ARMH3: variants seen among roughly 807,000 people sequenced by gnomAD.
ARMH3 encodes the protein armadillo like helical domain containing 3, also known as armadillo-like helical domain-containing protein 3.
ARMH3 carries 60 observed loss-of-function variants against 99.1 expected under a neutral mutation model. The ratio of observed to expected loss-of-function variants is 0.61; its 90% CI spans 0.49 to 0.75. The LOEUF is 0.75. Among genes scored for constraint, ARMH3 ranks in the 30% least tolerant of loss-of-function variants. The pLI is 0.00. For synonymous variants in ARMH3, 285 were observed against 292.8 expected (o/e 0.97, Z 0.27); for missense variants, 679 against 843.1 (o/e 0.81, Z 2.41).
At chr10:101,990,504 T>C (rs752044420) in intron 19 of ARMH3, 47 bp downstream of exon 19, 2 of 1,428,212 alleles carry the variant, frequency 1.4e-6, no homozygotes, top group African/African-American at 1.4e-5. Context: ...CATTCAGTTC[T>C]TTAAAATAGA....
chr10:101,897,789 C>A (rs901314637), intron 23 of ARMH3, among the ~76,000 whole-genome samples: 1 of 152,222 alleles, frequency 6.6e-6, no homozygotes, highest in African/African-American at 2.4e-5. Context: ...CCTTTAAGAG[C>A]AGGAATCTGG....
At chr10:101,976,740 A>T (rs964712217) in intron 19 of ARMH3, among the ~76,000 whole-genome samples, 8 of 152,130 alleles carry the variant, frequency 5.3e-5, no homozygotes, top group African/African-American at 1.9e-4. Context: ...AAAATCTATT[A>T]AAAAATTAGC....
chr10:102,005,908 T>C (rs759953435), intron 14 of ARMH3, among the ~76,000 whole-genome samples: 2 of 152,214 alleles, frequency 1.3e-5, no homozygotes, highest in Non-Finnish European at 2.9e-5. Flanking sequence ...CCTTTCCAAC[T>C]GGGAGTGGCT....
chr10:101,936,191 C>T (rs1175857194), intron 23 of ARMH3, among the ~76,000 whole-genome samples: 3 of 151,770 alleles, frequency 2.0e-5, no homozygotes, highest in African/African-American at 4.8e-5. Context: ...AATATCTTAA[C>T]TTTTATAGAA....
chr10:101,995,213 G>A, intron 16 of ARMH3, 84 bp downstream of exon 16: 5 of 1,172,308 alleles, frequency 4.3e-6, no homozygotes, highest in Non-Finnish European at 6.3e-6. Flanking sequence ...TAAATGTCAT[G>A]AGACAGTAAT....
At chr10:101,884,304 G>A (rs2067489095) in intron 24 of ARMH3, among the ~76,000 whole-genome samples, 1 of 152,192 alleles carries the variant, frequency 6.6e-6, no homozygotes, top group Admixed American at 6.5e-5. Flanking sequence ...TCATCTTTTT[G>A]GGAATCCTTA....
At chr10:102,022,489 C>CT (rs1231341755) in intron 8 of ARMH3, among the ~76,000 whole-genome samples, 9 of 97,632 alleles carry the variant, frequency 9.2e-5, no homozygotes, top group South Asian at 8.2e-4. Flanking sequence ...GAGACTCTGA[C>CT]TTAAAAAAAA....
chr10:101,852,220 G>C (rs1470121633), intron 24 of ARMH3, among the ~76,000 whole-genome samples: 4 of 152,238 alleles, frequency 2.6e-5, no homozygotes, highest in Non-Finnish European at 5.9e-5. Context: ...AGAGGTTACT[G>C]CATATGAAGA....
intron 24 of ARMH3, among the ~76,000 whole-genome samples, chr10:101,853,339 G>A (rs2066651704): frequency 6.6e-6 from 1 of 152,152 alleles, no homozygotes; most frequent in Admixed American, 6.6e-5. Flanking sequence ...GCTCAGGCCT[G>A]GGCCCCAACC....
At chr10:101,956,505 AACTAGAG>A in intron 22 of ARMH3, 85 bp downstream of exon 22, 1 of 1,495,806 alleles carries the variant, frequency 6.7e-7, no homozygotes, top group Non-Finnish European at 9.1e-7. Context: ...GGCACCAAAC[AACTAGAG>A]GAGAATCTTT....
chr10:101,948,119 G>A (rs1322368659), intron 22 of ARMH3, among the ~76,000 whole-genome samples: 1 of 152,128 alleles, frequency 6.6e-6, no homozygotes, highest in Non-Finnish European at 1.5e-5. Flanking sequence ...TTGTAAATAT[G>A]TATAGATAAT....
chr10:102,007,833 CAAA>C (rs529858697), intron 13 of ARMH3, among the ~76,000 whole-genome samples: 8 of 48,976 alleles, frequency 1.6e-4, no homozygotes, highest in Non-Finnish European at 3.4e-4. Flanking sequence ...ACACCATCTC[CAAA>C]AAAAAAAAAA....
chr10:101,872,850 C>T (rs4526716), intron 24 of ARMH3, among the ~76,000 whole-genome samples: 66,531 of 151,016 alleles, frequency 0.44, 14,757 homozygotes, highest in South Asian at 0.55. Flanking sequence ...CCCAGCTACT[C>T]GGGAGGCTGA....
intron 20 of ARMH3, among the ~76,000 whole-genome samples, chr10:101,960,437 T>C (rs529794219): frequency 6.6e-6 from 1 of 152,298 alleles, no homozygotes; most frequent in South Asian, 2.1e-4. Context: ...TAGCTGATTA[T>C]AGATTTTTAG....
intron 22 of ARMH3, among the ~76,000 whole-genome samples, chr10:101,942,550 G>A (rs1002527838): frequency 2.0e-5 from 3 of 152,170 alleles, no homozygotes; most frequent in African/African-American, 7.2e-5. Context: ...GGAAGATTAA[G>A]TGTGTGCCTT....
intron 23 of ARMH3, among the ~76,000 whole-genome samples, chr10:101,896,648 G>A (rs2067843759): frequency 6.6e-6 from 1 of 152,226 alleles, no homozygotes; most frequent in African/African-American, 2.4e-5. Context: ...GTTCCACACA[G>A]AATTAATGTG....
chr10:101,994,932 G>A (rs1162636174), intron 16 of ARMH3, among the ~76,000 whole-genome samples: 2 of 152,064 alleles, frequency 1.3e-5, no homozygotes, highest in African/African-American at 4.8e-5. Context: ...GCTACTAGAG[G>A]GGCCGAGGCA....
At chr10:102,023,899 T>C in intron 6 of ARMH3, 150 bp from the exon 7 acceptor site, 2 of 708,994 alleles carry the variant, frequency 2.8e-6, no homozygotes, top group East Asian at 2.7e-5. Flanking sequence ...CCTTAAGTCA[T>C]GAGAGTCTGA....
intron 20 of ARMH3, 121 bp downstream of exon 20, chr10:101,975,091 G>C (rs962336645): frequency 1.0e-5 from 2 of 191,208 alleles, no homozygotes; most frequent in Non-Finnish European, 1.0e-5. Flanking sequence ...AAGAGTAACT[G>C]AAAATAAAGG....
Sources: allele counts gnomAD v4.1 joint callset (sites outside exome capture counted in the v4.1 genomes callset), GRCh38; gene constraint gnomAD v4.1.1; transcripts MANE v1.5; gene names NCBI Gene and HGNC (gene_info 2026-07-23, HGNC 2026-07-21).